Variants in DCAF6 observed in about 807,000 individuals in gnomAD.
DCAF6 encodes DDB1- and CUL4-associated factor 6.
In DCAF6, 54 loss-of-function variants were observed where a neutral mutation model predicts 125.1. The observed-to-expected ratio is 0.43, with a 90% CI of 0.35 to 0.54. The LOEUF is 0.54. Among genes scored for constraint, DCAF6 ranks in the 20% least tolerant of loss-of-function variants. The pLI is 0.01. For missense variants in DCAF6, 934 were observed against 1,161.7 expected, an observed-to-expected ratio of 0.80 and a Z score of 2.85; for synonymous variants, 371 against 390.4, an observed-to-expected ratio of 0.95 and a Z score of 0.58.
At chr1:168,001,981 G>A (rs1032167921) in intron 7 of DCAF6, among the ~76,000 whole-genome samples, 1 of 152,166 alleles carries the variant, frequency 6.6e-6, no homozygotes, top group Non-Finnish European at 1.5e-5. Context: ...TAGATAGCCT[G>A]AGGCAAGTCA....
At chr1:167,883,655 A>C in the DCAF6 span, 4 of 1,613,348 alleles carry the variant, frequency 2.5e-6, no homozygotes, top group Non-Finnish European at 3.4e-6. Context: ...AGCTTTCTGT[A>C]GGTGTCCTTG....
chr1:167,911,052 A>C, the DCAF6 span, among the ~76,000 whole-genome samples: 2 of 152,186 alleles, frequency 1.3e-5, no homozygotes, highest in African/African-American at 2.4e-5. Context: ...TTAACACTGG[A>C]TGGAAAGTGG....
chr1:167,956,595 C>A (rs1466923104), intron 2 of DCAF6, among the ~76,000 whole-genome samples: 2 of 152,042 alleles, frequency 1.3e-5, no homozygotes, highest in African/African-American at 4.8e-5. Context: ...GAGTCTTCTG[C>A]AGACTTTGGG....
Position 168,021,489 on chromosome 1 carries a change from A to T in DCAF6, c.1550-1499A>T, listed in dbSNP as rs567623069. Among the ~76,000 whole-genome samples, 51 of 152,318 alleles carry T rather than the reference A, an allele frequency of 3.3e-4. 2 individuals carry two copies. In the South Asian group the frequency reaches 0.01, roughly 30 times the overall value. ...AGTGTTGAATCCAACTGTGAAATGG[A>T]TAAATGAGAAGGCATCTTAAGAAAG... is the stretch of plus-strand genomic sequence containing the variant. On this transcript the variant is annotated intron_variant, in intron 11 of 21. Coordinates refer to ENST00000367840, the MANE Select transcript of DCAF6 (RefSeq NM_001198956.2).
At chr1:168,008,998 T>C (rs368749102) in intron 10 of DCAF6, among the ~76,000 whole-genome samples, 4 of 148,254 alleles carry the variant, frequency 2.7e-5, no homozygotes, top group African/African-American at 7.5e-5. Context: ...TTCCTTCCTT[T>C]CTTTCTTTTT....
chr1:168,059,685 G>A lies in DCAF6; in HGVS notation c.2301-3936G>A, dbSNP rs150369718. 8.4e-4 allele frequency among the ~76,000 whole-genome samples: 127 copies of A among 151,864 alleles called. 2 individuals are homozygous for A. In the East Asian group the frequency reaches 0.02, roughly 24 times the overall value. On this transcript the variant is annotated intron_variant, in intron 17 of 21. Coordinates refer to ENST00000367840, the MANE Select transcript of DCAF6 (RefSeq NM_001198956.2). ...CCTTGAGACAGGGTCTTGCTGTGTCGCCTAGGCTGGATTGCAGTGGCATGA... is the reference window on the plus strand; with the variant it reads ...CCTTGAGACAGGGTCTTGCTGTGTCACCTAGGCTGGATTGCAGTGGCATGA...
chr1:168,073,955 T>C (rs1693457434), intron 21 of DCAF6, among the ~76,000 whole-genome samples: 1 of 147,810 alleles, frequency 6.8e-6, no homozygotes, highest in Non-Finnish European at 1.5e-5. Context: ...ATTTATTTTA[T>C]AAATATGTAT....
In DCAF6 at chr1:168,003,775, GCTTTCATTTTAAAGC is replaced by G. The variant is rs1682959514; in HGVS notation, c.998-93_998-79del. The stretch of plus-strand genomic sequence containing the variant: ...TAGGAAATTTGATTTTTAAAAATAT[GCTTTCATTTTAAAGC>G]CCTTCAAATCTAGGTTTTTGTATTA... On this transcript the variant is annotated intron_variant, in intron 8 of 21. Transcript: ENST00000367840. 17 of 1,104,136 alleles carry G rather than the reference GCTTTCATTTTAAAGC, an allele frequency of 1.5e-5. No homozygotes were observed. In the South Asian group the frequency reaches 3.0e-4, roughly 20 times the overall value. The allele number at this position is 1,104,136 out of a possible 1,614,324, so 68.4% of individuals were successfully genotyped here.
chr1:167,882,400 G>A, the DCAF6 span, among the ~76,000 whole-genome samples: 2 of 149,842 alleles, frequency 1.3e-5, no homozygotes, highest in East Asian at 2.0e-4. Flanking sequence ...CAAGAGAATC[G>A]CTTGAACCCG....
chr1:167,927,822 G>A, the DCAF6 span, among the ~76,000 whole-genome samples: 1 of 152,118 alleles, frequency 6.6e-6, no homozygotes, highest in African/African-American at 2.4e-5. Flanking sequence ...TCAAATTATG[G>A]TTGCTAGAAC....
chr1:168,007,962 CTT>C (rs35185748), intron 10 of DCAF6, among the ~76,000 whole-genome samples: 708 of 67,442 alleles, frequency 0.01, 7 homozygotes, highest in African/African-American at 0.04. Flanking sequence ...TGTTGTACAT[CTT>C]TTTTTTTTTT....
At chr1:168,043,361 A>G (rs926480413) in intron 14 of DCAF6, among the ~76,000 whole-genome samples, 2 of 152,154 alleles carry the variant, frequency 1.3e-5, no homozygotes, top group African/African-American at 2.4e-5. Flanking sequence ...TTGTGGACAC[A>G]GTGGCCAGGA....
chr1:168,056,226 A>C (rs1334048823), intron 17 of DCAF6: 1 of 1,612,284 alleles, frequency 6.2e-7, no homozygotes, highest in Non-Finnish European at 8.5e-7. Flanking sequence ...CACTGTTCCA[A>C]TGCCATTTTC....
At chr1:167,979,436 A>C (rs1430781598) in intron 4 of DCAF6, among the ~76,000 whole-genome samples, 1 of 152,050 alleles carries the variant, frequency 6.6e-6, no homozygotes, top group East Asian at 1.9e-4. Flanking sequence ...GAATTTGACT[A>C]TTTTAGATAC....
the DCAF6 span, among the ~76,000 whole-genome samples, chr1:167,878,900 T>C: frequency 6.6e-6 from 1 of 152,202 alleles, no homozygotes; most frequent in Non-Finnish European, 1.5e-5. Flanking sequence ...GGCTTGAGTA[T>C]GGAGCAGGCT....
At chr1:167,869,246 G>A in the DCAF6 span, among the ~76,000 whole-genome samples, 1 of 152,120 alleles carries the variant, frequency 6.6e-6, no homozygotes, top group Non-Finnish European at 1.5e-5. Context: ...CTGCTCCCTT[G>A]CTTGCTGCCT....
chr1:168,045,817 A>G (rs150236193), intron 16 of DCAF6, among the ~76,000 whole-genome samples: 1 of 152,252 alleles, frequency 6.6e-6, no homozygotes, highest in East Asian at 1.9e-4. Flanking sequence ...GATCACAAGG[A>G]TATATTTTCT....
At chr1:167,880,367 C>T in the DCAF6 span, 6 of 953,462 alleles carry the variant, frequency 6.3e-6, no homozygotes. Context: ...GGAGGAACAA[C>T]AGTTTGAGAC....
intron 1 of DCAF6, 59 bp downstream of exon 1, chr1:167,937,067 C>A: frequency 1.4e-6 from 2 of 1,437,128 alleles, no homozygotes; most frequent in Non-Finnish European, 1.9e-6. Flanking sequence ...GGGGAGGGGG[C>A]ACGCTGCCGG....
Sources: gnomAD v4.1 joint callset for allele counts (sites outside exome capture counted in the v4.1 genomes callset) on GRCh38, gnomAD v4.1.1 for gene constraint, MANE v1.5 for transcripts, NCBI Gene and HGNC (gene_info 2026-07-23, HGNC 2026-07-21) for gene names.